Variants in SCPEP1 observed in about 807,000 individuals in gnomAD.
SCPEP1 encodes the protein serine carboxypeptidase 1, also known as retinoid-inducible serine carboxypeptidase.
In SCPEP1, 51 loss-of-function variants were observed where a neutral mutation model predicts 63.8. That is an observed-to-expected ratio of 0.80 (90% CI 0.64 to 1.01). SCPEP1 has a LOEUF of 1.01. Among genes scored for constraint, SCPEP1 ranks in the 50% least tolerant of loss-of-function variants. The pLI is 0.00. For missense variants in SCPEP1, 499 were observed against 554.9 expected (o/e 0.90, Z 1.01); for synonymous variants, 204 against 207.8 (o/e 0.98, Z 0.16).
At chr17:56,987,501 C>G in intron 3 of SCPEP1, 194 bp from the exon 4 acceptor site, 1 of 437,714 alleles carries the variant, frequency 2.3e-6, no homozygotes, top group Non-Finnish European at 3.8e-6. Flanking sequence ...GGGCGGTTGG[C>G]CTTTCTTTGT....
intron 12 of SCPEP1, among the ~76,000 whole-genome samples, chr17:57,002,500 G>C (rs573442328): frequency 4.6e-5 from 7 of 152,200 alleles, no homozygotes; most frequent in Admixed American, 6.5e-5. Context: ...TGGATCGCTT[G>C]AGCTCAAGAG....
chr17:56,989,023 C>CAA (rs199683698), intron 5 of SCPEP1, among the ~76,000 whole-genome samples: 4 of 134,784 alleles, frequency 3.0e-5, no homozygotes, highest in African/African-American at 8.1e-5. Context: ...CCTGTTTCTA[C>CAA]AAAAAAAAAA....
intron 12 of SCPEP1, among the ~76,000 whole-genome samples, chr17:57,005,724 C>A (rs1911870581): frequency 6.6e-6 from 1 of 152,184 alleles, no homozygotes; most frequent in Non-Finnish European, 1.5e-5. Flanking sequence ...ACCCAAAGGG[C>A]CCTGTTTGTT....
chr17:56,991,520 G>A (rs1162436458), intron 6 of SCPEP1, among the ~76,000 whole-genome samples: 1 of 152,170 alleles, frequency 6.6e-6, no homozygotes, highest in African/African-American at 2.4e-5. Flanking sequence ...AGGCAAATCT[G>A]TTTTGTCATC....
At chr17:56,985,767 A>T (rs1391364344) in intron 3 of SCPEP1, among the ~76,000 whole-genome samples, 1 of 151,962 alleles carries the variant, frequency 6.6e-6, no homozygotes. Flanking sequence ...CACGCTGGCC[A>T]TCTCCGCGGC....
At chr17:57,001,140 T>G (rs1911729960) in intron 11 of SCPEP1, 148 bp downstream of exon 11, 1 of 891,140 alleles carries the variant, frequency 1.1e-6, no homozygotes, top group Admixed American at 2.1e-5. Flanking sequence ...ACCCCGACCT[T>G]GATTATTCAA....
chr17:56,988,400 G>T (rs1289919241), intron 5 of SCPEP1, 110 bp downstream of exon 5: 1 of 740,378 alleles, frequency 1.4e-6, no homozygotes, highest in Non-Finnish European at 2.2e-6. Flanking sequence ...TGTACATGCA[G>T]AGTACGATTA....
At chr17:56,982,838 T>C (rs144504225) in intron 2 of SCPEP1, 39 of 152,304 alleles carry the variant, frequency 2.6e-4, no homozygotes, top group African/African-American at 9.1e-4. Context: ...TTGAAGTTTA[T>C]CAACTGAAGA....
chr17:56,991,763 C>G (rs1402338221), intron 6 of SCPEP1, among the ~76,000 whole-genome samples: 1 of 152,242 alleles, frequency 6.6e-6, no homozygotes, highest in Non-Finnish European at 1.5e-5. Flanking sequence ...CACTCTAACA[C>G]AGGGTTTCTC....
In SCPEP1 at chr17:57,006,301, G is replaced by A; in HGVS notation, c.*66G>A. ...ACAGAGCTGAGCTGAGGCCGCTGAA[G>A]CTGTAGGAAGCGCCATTCTTCCCTG... On this transcript the variant is annotated 3_prime_UTR_variant, in exon 13 of 13. Transcript: ENST00000262288. The A allele has an allele frequency of 8.0e-7, 1 of 1,242,892 alleles. No individual in the cohort carries two copies. Among genetic ancestry groups the A allele is most frequent in the Non-Finnish European group, 1.1e-6 (1 of 893,428 alleles). 77.0% of individuals were successfully genotyped at this position (1,242,892 alleles called of 1,614,324 possible).
At chr17:56,992,626 A>T (rs1353326157) in intron 6 of SCPEP1, among the ~76,000 whole-genome samples, 6 of 152,174 alleles carry the variant, frequency 3.9e-5, no homozygotes, top group Non-Finnish European at 8.8e-5. Flanking sequence ...AGCACTAAGT[A>T]CTTTACATGT....
Position 57,000,977 on chromosome 17 carries a change from A to G in SCPEP1, c.1117A>G (p.Ile373Val). ...VTVYNGQLDL[I>V]VDTMGQEAWV... ...GGTGTATAATGGACAGCTGGATCTC[A>G]TCGTAGATACCATGGGTAGGAATTG... Residue 373 changes from isoleucine to valine, a missense_variant, in exon 11 of 13, where the codon ATC becomes GTC. Physicochemically the swap from Ile to Val is conservative, Grantham distance 29. Transcript: ENST00000262288. 1 of 1,613,980 alleles carries G rather than the reference A, an allele frequency of 6.2e-7. No homozygotes were observed. Among genetic ancestry groups the G allele is most frequent in the Non-Finnish European group, 8.5e-7 (1 of 1,179,860 alleles).
chr17:57,000,967 G>T lies in SCPEP1; in HGVS notation c.1107G>T (p.Gln369His), dbSNP rs1370411945. 6.2e-7 allele frequency: 1 copy of T among 1,614,102 alleles called. No individual in the cohort carries two copies. The change falls in exon 11 of 13, where the codon CAG becomes CAT. Residue 369 changes from glutamine (Q) to histidine (H), a missense_variant. Physicochemically the swap from Gln to His is conservative, Grantham distance 24. Transcript: ENST00000262288. ...TCAACGTGACGGTGTATAATGGACA[G>T]CTGGATCTCATCGTAGATACCATGG... Reference protein sequence around the residue: ...AGINVTVYNGQLDLIVDTMGQ... With the variant: ...AGINVTVYNGHLDLIVDTMGQ...
Position 56,998,400 on chromosome 17 carries a change from G to GC in SCPEP1, c.898dup (p.His300ProfsTer27). 1 of 1,613,240 alleles carries GC rather than the reference G, an allele frequency of 6.2e-7. No homozygotes were observed. The highest frequency in any genetic ancestry group is 1.7e-4 in the Middle Eastern group (1 of 6,060). Reference sequence around the variant, plus strand: ...TTGGTTTTAGTTTGTCTTTGTCAGCGCCACGTGAGACACCTACAACGAGAT... The same window carrying GC: ...TTGGTTTTAGTTTGTCTTTGTCAGCGCCCACGTGAGACACCTACAACGAGAT... On this transcript the variant is annotated frameshift_variant, in exon 10 of 13. Coordinates refer to ENST00000262288, the MANE Select transcript of SCPEP1 (RefSeq NM_021626.3). LOFTEE classifies it high-confidence loss of function.
chr17:56,991,674 A>G (rs988740891), intron 6 of SCPEP1, among the ~76,000 whole-genome samples: 1 of 152,228 alleles, frequency 6.6e-6, no homozygotes, highest in African/African-American at 2.4e-5. Flanking sequence ...CCGTGTTGCG[A>G]GCATAAATAA....
At position 56,978,213 on chromosome 17, in the gene SCPEP1, G is replaced by T. The variant is rs1324418459; in HGVS notation, c.54G>T (p.Pro18=). The change falls in exon 1 of 13, where the codon CCG becomes CCT. Residue 18 remains proline (P), a synonymous_variant. Transcript: ENST00000262288. The part of the protein sequence containing the change: ...SPVPRWLLLL[P]LLLGLNAGAV... The stretch of plus-strand genomic sequence containing the variant: ...TCCCGCGGTGGTTGCTGCTGCTGCC[G>T]CTGCTGCTGGGCCTGAACGCAGGTA... 10 of 1,557,986 alleles carry T rather than the reference G, an allele frequency of 6.4e-6. No homozygotes were observed. The highest frequency in any genetic ancestry group is 7.8e-6 in the Non-Finnish European group (9 of 1,157,482).
At chr17:56,994,393 G>A (rs1163761788) in intron 6 of SCPEP1, among the ~76,000 whole-genome samples, 1 of 152,144 alleles carries the variant, frequency 6.6e-6, no homozygotes, top group Non-Finnish European at 1.5e-5. Context: ...TTGAGGACAG[G>A]CATTATGTTA....
At chr17:56,986,576 C>T (rs1353865685) in intron 3 of SCPEP1, among the ~76,000 whole-genome samples, 2 of 148,916 alleles carry the variant, frequency 1.3e-5, no homozygotes, top group African/African-American at 2.5e-5. Context: ...GACAGAGTCT[C>T]GCTCTTTCGC....
Position 56,985,427 on chromosome 17 carries a change from G to A in SCPEP1, c.275G>A (p.Gly92Glu). ...GGATTTGGAAACTTTGAGGAAATTG[G>A]GCCCCTTGACAGTGATCTCAAACCA... is the stretch of plus-strand genomic sequence containing the variant. ...STGFGNFEEI[G>E]PLDSDLKPRK... The change falls in exon 3 of 13, where the codon GGG becomes GAG. Residue 92 changes from glycine to glutamate, a missense_variant. Physicochemically the swap from Gly to Glu is moderately conservative, Grantham distance 98. Coordinates refer to ENST00000262288, the MANE Select transcript of SCPEP1 (RefSeq NM_021626.3). 1 of 1,614,154 alleles carries A rather than the reference G, an allele frequency of 6.2e-7. No homozygotes were observed. The highest frequency in any genetic ancestry group is 8.5e-7 in the Non-Finnish European group (1 of 1,180,024).
Sources: allele counts gnomAD v4.1 joint callset (sites outside exome capture counted in the v4.1 genomes callset), GRCh38; gene constraint gnomAD v4.1.1; transcripts MANE v1.5; gene names NCBI Gene and HGNC (gene_info 2026-07-23, HGNC 2026-07-21).